RFC4: variants seen among roughly 807,000 people sequenced by gnomAD.
The protein encoded by RFC4 is replication factor C subunit 4.
RFC4 carries 38 observed loss-of-function variants against 47.6 expected under a neutral mutation model. The ratio of observed to expected loss-of-function variants is 0.80; its 90% CI spans 0.62 to 1.05. The LOEUF is 1.05. RFC4 is among the 50% of genes least tolerant of loss of function. RFC4 has a pLI of 0.00. For synonymous variants in RFC4, 164 were observed against 150.0 expected (o/e 1.09, Z -0.68); for missense variants, 489 against 434.0 (o/e 1.13, Z -1.13).
intron 1 of RFC4, 129 bp from the exon 2 acceptor site, chr3:186,804,853 T>C (rs1369127510): frequency 1.2e-6 from 1 of 806,078 alleles, no homozygotes; most frequent in African/African-American, 1.7e-5. Context: ...AAACTTAGCC[T>C]TGTGCAAAGA....
intron 3 of RFC4, among the ~76,000 whole-genome samples, chr3:186,799,585 T>C (rs1235253542): frequency 1.3e-5 from 2 of 152,098 alleles, no homozygotes; most frequent in Non-Finnish European, 2.9e-5. Context: ...TGGTGGTGCA[T>C]GCCTGTAGTC....
chr3:186,792,867 C>A lies in RFC4; in HGVS notation c.491G>T (p.Arg164Ile), dbSNP rs1416357634. 1.2e-6 allele frequency: 2 copies of A among 1,614,040 alleles called. No homozygotes were observed. Among genetic ancestry groups the A allele is most frequent in the Non-Finnish European group, 1.7e-6 (2 of 1,179,932 alleles). The change falls in exon 6 of 11, where the codon AGA becomes ATA. Residue 164 changes from arginine (R) to isoleucine (I), a missense_variant. By Grantham distance (97) the Arg-to-Ile change is moderately conservative. This residue lies in a region of RFC4 where 206 missense variants were observed against 257.8 expected (regional missense o/e 0.80). Transcript: ENST00000296273. ...SMTSAAQAAL[R>I]RTMEKESKTT... ...TTTCGACTCCTTCTCCATGGTACGT[C>A]TTAAAGCTGCCTGAGCAGCTGAGGT...
At chr3:186,804,852 C>T (rs1722443308) in intron 1 of RFC4, 128 bp from the exon 2 acceptor site, 1 of 815,776 alleles carries the variant, frequency 1.2e-6, no homozygotes, top group Admixed American at 2.5e-5. Context: ...TAAACTTAGC[C>T]TTGTGCAAAG....
At chr3:186,794,898 C>T in intron 4 of RFC4, 121 bp from the exon 5 acceptor site, 1 of 1,096,700 alleles carries the variant, frequency 9.1e-7, no homozygotes, top group Non-Finnish European at 1.3e-6. Context: ...ATAGAAGGCA[C>T]ACAATCACTT....
intron 3 of RFC4, among the ~76,000 whole-genome samples, chr3:186,798,316 G>A (rs1220261699): frequency 6.6e-6 from 1 of 152,044 alleles, no homozygotes; most frequent in East Asian, 1.9e-4. Flanking sequence ...CGACTGATCC[G>A]TGGTGAAAAT....
chr3:186,804,518 A>G (rs1579185089), intron 2 of RFC4, 65 bp downstream of exon 2: 3 of 1,383,568 alleles, frequency 2.2e-6, no homozygotes, highest in South Asian at 1.4e-5. Context: ...AAAAAAAAAA[A>G]GTGATCAGTA....
chr3:186,790,969 GA>G (rs879836135), intron 8 of RFC4, among the ~76,000 whole-genome samples: 30 of 152,178 alleles, frequency 2.0e-4, no homozygotes, highest in Non-Finnish European at 4.3e-4. Flanking sequence ...CCGTGCAGGT[GA>G]AAAATGTCAC....
chr3:186,792,191 C>T (rs2108468260), intron 7 of RFC4, among the ~76,000 whole-genome samples: 1 of 152,220 alleles, frequency 6.6e-6, no homozygotes, highest in Admixed American at 6.5e-5. Context: ...GAAGTATTAG[C>T]TAGAAGACTA....
intron 6 of RFC4, 24 bp downstream of exon 6, chr3:186,792,780 C>T (rs771729520): frequency 3.2e-6 from 5 of 1,586,262 alleles, no homozygotes; most frequent in Middle Eastern, 1.7e-4. Context: ...TGCCTAGCAT[C>T]TGTCTTCAGG....
At position 186,804,550 on chromosome 3, in the gene RFC4, G is replaced by T. The variant is rs368611799; in HGVS notation, c.131+33C>A. ...AGTACTGGTTAGAGAGATAATTTAT[G>T]AATTATTTTAACAAAGACACAAGTG... On this transcript the variant is annotated intron_variant, in intron 2 of 10. Coordinates refer to ENST00000296273, the MANE Select transcript of RFC4 (RefSeq NM_002916.5). The T allele has an allele frequency of 3.4e-4, 537 of 1,593,384 alleles. 1 individual carries two copies. The South Asian group carries it at 5.4e-3, about 16-fold the overall frequency.
chr3:186,792,804 C>T lies in RFC4; in HGVS notation c.554G>A (p.Arg185Gln), dbSNP rs147162624. 10 of 1,611,006 alleles carry T rather than the reference C, an allele frequency of 6.2e-6. No homozygotes were observed. Among genetic ancestry groups the T allele is most frequent in the East Asian group, 2.2e-5 (1 of 44,878 alleles). ...TCTGTCTTCAGGGCAATATACATAC[C>T]GACTGACATAGTTACAGATAAGACA... ...RFCLICNYVSRIIEPLTSRCS... is the reference protein window; with the variant it reads ...RFCLICNYVSQIIEPLTSRCS... The change falls in exon 6 of 11, where the codon CGA becomes CAA. Residue 185 changes from arginine to glutamine, a missense_variant and splice_region_variant. By Grantham distance (43) the Arg-to-Gln change is conservative. This residue lies in a region of RFC4 where 206 missense variants were observed against 257.8 expected (regional missense o/e 0.80). Coordinates refer to ENST00000296273, the MANE Select transcript of RFC4 (RefSeq NM_002916.5).
intron 1 of RFC4, among the ~76,000 whole-genome samples, chr3:186,805,193 T>C (rs185487539): frequency 3.3e-5 from 5 of 152,218 alleles, no homozygotes; most frequent in Admixed American, 2.0e-4. Flanking sequence ...TTCACTCCTT[T>C]CCTTGGGTCA....
chr3:186,803,366 C>G (rs1337418602), intron 2 of RFC4, among the ~76,000 whole-genome samples: 1 of 151,806 alleles, frequency 6.6e-6, no homozygotes, highest in African/African-American at 2.4e-5. Flanking sequence ...AACAAAAAGG[C>G]AAGCAAAAAA....
At chr3:186,790,785 G>C (rs266756) in intron 8 of RFC4, among the ~76,000 whole-genome samples, 126,867 of 152,176 alleles carry the variant, frequency 0.83, 53,236 homozygotes, top group African/African-American at 0.93. Flanking sequence ...TTCTCTCAAT[G>C]TCTCCATGTA....
chr3:186,797,753 A>G (rs1422695516), intron 3 of RFC4, 139 bp from the exon 4 acceptor site: 2 of 571,392 alleles, frequency 3.5e-6, no homozygotes, highest in African/African-American at 3.7e-5. Flanking sequence ...AAGTTTTCTT[A>G]ATATAACTGA....
chr3:186,790,679 T>C (rs925144416), intron 8 of RFC4, among the ~76,000 whole-genome samples: 4 of 152,164 alleles, frequency 2.6e-5, no homozygotes, highest in Non-Finnish European at 5.9e-5. Context: ...GGTCAGTGGA[T>C]GAAGATTAAG....
At chr3:186,799,104 C>T (rs1722300998) in intron 3 of RFC4, among the ~76,000 whole-genome samples, 1 of 152,138 alleles carries the variant, frequency 6.6e-6, no homozygotes. Flanking sequence ...CTGTGCATCC[C>T]TTAACAATGT....
In RFC4 at chr3:186,793,914, G is replaced by C. The variant is rs1031560819; in HGVS notation, c.410+744C>G. ...ATTTTTTGTATTTTTAGTAGAGATG[G>C]GGTTTCACCATGTTCGCCAGGATGG... is the stretch of plus-strand genomic sequence containing the variant. On this transcript the variant is annotated intron_variant, in intron 5 of 10. Coordinates refer to ENST00000296273, the MANE Select transcript of RFC4 (RefSeq NM_002916.5). The surrounding 1 kb of genome is among the most constrained non-coding windows in gnomAD (Gnocchi z 4.2). 2.6e-5 allele frequency among the ~76,000 whole-genome samples: 4 copies of C among 152,024 alleles called. No individual in the cohort carries two copies. Among genetic ancestry groups the C allele is most frequent in the African/African-American group, 9.7e-5 (4 of 41,384 alleles).
chr3:186,804,715 G>A lies in RFC4; in HGVS notation c.-2C>T, dbSNP rs41549216. ...TGTACCTTTAAGAAATGCTTGCATG[G>A]TACTTCACCCTGGTCAGGTGCAAGA... On this transcript the variant is annotated 5_prime_UTR_variant, in exon 2 of 11. Transcript: ENST00000296273. 2,767 of 1,611,488 alleles carry A rather than the reference G, an allele frequency of 1.7e-3. 5 individuals are homozygous for A. Among genetic ancestry groups the A allele is most frequent in the Non-Finnish European group, 2.1e-3 (2,519 of 1,178,786 alleles).
Sources: allele counts gnomAD v4.1 joint callset (sites outside exome capture counted in the v4.1 genomes callset), GRCh38; gene constraint gnomAD v4.1.1; regional missense constraint gnomAD v4.1.1; non-coding constraint Gnocchi (gnomAD v3.1); transcripts MANE v1.5; gene names NCBI Gene and HGNC (gene_info 2026-07-23, HGNC 2026-07-21).